Variants in MYO3B observed in about 807,000 individuals in gnomAD.
MYO3B encodes myosin-IIIb.
Under a neutral mutation model 174.6 loss-of-function variants are expected in MYO3B, and 156 were observed. The ratio of observed to expected loss-of-function variants is 0.89; its 90% CI spans 0.78 to 1.02. The LOEUF (loss-of-function observed/expected upper bound fraction) is 1.02, where lower values mean the gene tolerates loss of function less well. MYO3B is among the 50% of genes least tolerant of loss of function. The probability of loss-of-function intolerance (pLI) is 0.00; values close to 1 mark genes in which losing one functional copy is unlikely to be tolerated. For missense variants in MYO3B, 1,632 were observed against 1,639.4 expected, an observed-to-expected ratio of 1.00 and a Z score of 0.08; for synonymous variants, 563 against 569.1, an observed-to-expected ratio of 0.99 and a Z score of 0.15.
intron 32 of MYO3B, among the ~76,000 whole-genome samples, chr2:170,552,645 A>G (rs1312857925): frequency 6.6e-6 from 1 of 152,234 alleles, no homozygotes; most frequent in Non-Finnish European, 1.5e-5. Flanking sequence ...CAGCCCAATC[A>G]TGTGGTTGTA....
chr2:170,350,050 G>A (rs1396673056), intron 8 of MYO3B, among the ~76,000 whole-genome samples: 1 of 151,964 alleles, frequency 6.6e-6, no homozygotes, highest in Non-Finnish European at 1.5e-5. Flanking sequence ...TGCCCAGGCT[G>A]GATTGCAGTG....
At chr2:170,294,047 G>A (rs888309413) in intron 7 of MYO3B, among the ~76,000 whole-genome samples, 12 of 151,866 alleles carry the variant, frequency 7.9e-5, no homozygotes, top group Non-Finnish European at 1.8e-4. Flanking sequence ...CATGCATTCT[G>A]TTCAAATTTT....
intron 25 of MYO3B, among the ~76,000 whole-genome samples, chr2:170,498,332 A>G (rs918981323): frequency 2.0e-5 from 3 of 152,250 alleles, no homozygotes; most frequent in African/African-American, 7.2e-5. Flanking sequence ...TGAATGCACT[A>G]GACACCAAGT....
intron 32 of MYO3B, among the ~76,000 whole-genome samples, chr2:170,586,600 C>T (rs2106314727): frequency 6.6e-6 from 1 of 152,300 alleles, no homozygotes; most frequent in Non-Finnish European, 1.5e-5. Flanking sequence ...AACAGAGATA[C>T]ATGACCCAAA....
intron 32 of MYO3B, among the ~76,000 whole-genome samples, chr2:170,598,135 G>A (rs1271049997): frequency 6.6e-6 from 1 of 152,132 alleles, no homozygotes; most frequent in Non-Finnish European, 1.5e-5. Context: ...TTAATTTAAA[G>A]CATATGGTTT....
chr2:170,330,882 C>T (rs1002196373), intron 7 of MYO3B, among the ~76,000 whole-genome samples: 2 of 152,120 alleles, frequency 1.3e-5, no homozygotes, highest in African/African-American at 4.8e-5. Context: ...CCATATTTGT[C>T]TAATTTTATG....
At chr2:170,541,005 C>A (rs903520923) in intron 30 of MYO3B, among the ~76,000 whole-genome samples, 1 of 152,162 alleles carries the variant, frequency 6.6e-6, no homozygotes, top group Non-Finnish European at 1.5e-5. Context: ...CTGCCGCTGA[C>A]TTTTCTTAAA....
At position 170,519,509 on chromosome 2, in the gene MYO3B, A is replaced by G. The variant is rs1277174597; in HGVS notation, c.3544A>G (p.Ser1182Gly). 3.1e-6 allele frequency: 5 copies of G among 1,614,092 alleles called. No homozygotes were observed. The highest frequency in any genetic ancestry group is 4.2e-6 in the Non-Finnish European group (5 of 1,179,998). The change falls in exon 30 of 35, where the codon AGC becomes GGC. Residue 1182 changes from serine to glycine, a missense_variant. Ser to Gly is a moderately conservative substitution (Grantham distance 56, BLOSUM62 0). Coordinates refer to ENST00000408978, the MANE Select transcript of MYO3B (RefSeq NM_138995.5). The stretch of plus-strand genomic sequence containing the variant: ...CAACAATGGCCGTACACAGACTTCA[A>G]GCAACTCTCCTGCTGTCACAGAGAA... ...ESNNGRTQTS[S>G]NSPAVTEKNG...
intron 7 of MYO3B, among the ~76,000 whole-genome samples, chr2:170,290,023 T>C (rs1030121940): frequency 6.6e-6 from 1 of 152,200 alleles, no homozygotes; most frequent in Non-Finnish European, 1.5e-5. Context: ...CTCCTGTTAC[T>C]GATTTCTAGT....
chr2:170,211,425 C>T (rs1475353204), intron 3 of MYO3B, among the ~76,000 whole-genome samples: 8 of 152,214 alleles, frequency 5.3e-5, no homozygotes, highest in African/African-American at 1.9e-4. Flanking sequence ...GCTAGTATTT[C>T]TGGCTTTCAA....
chr2:170,651,990 T>C (rs1699043783), intron 33 of MYO3B, 118 bp from the exon 34 acceptor site: 2 of 1,145,764 alleles, frequency 1.7e-6, no homozygotes, highest in East Asian at 4.7e-5. Flanking sequence ...CAAAAAAAAT[T>C]ATGCTGTGAC....
intron 16 of MYO3B, among the ~76,000 whole-genome samples, chr2:170,399,267 G>A (rs60940101): frequency 0.3 from 13,188 of 44,540 alleles, 3,608 homozygotes; most frequent in Non-Finnish European, 0.43. Context: ...AAAAAAAAAA[G>A]AGAGAGACCA....
intron 32 of MYO3B, among the ~76,000 whole-genome samples, chr2:170,547,630 G>A (rs2106216574): frequency 6.6e-6 from 1 of 152,246 alleles, no homozygotes; most frequent in South Asian, 2.1e-4. Flanking sequence ...TTTATAAAAG[G>A]CCAGTTTTTG....
intron 22 of MYO3B, among the ~76,000 whole-genome samples, chr2:170,427,017 C>CAA (rs71399535): frequency 9.9e-4 from 138 of 139,332 alleles, no homozygotes; most frequent in Middle Eastern, 3.7e-3. Flanking sequence ...GACTCAGTCT[C>CAA]AAAAAAAAAA....
chr2:170,520,116 C>G (rs1688581675), intron 30 of MYO3B: 1 of 152,280 alleles, frequency 6.6e-6, no homozygotes, highest in African/African-American at 2.4e-5. Flanking sequence ...ACATCCTCCC[C>G]CTGGATATTT....
rs374151208 is a variant in MYO3B at position 170,402,839 on chromosome 2, C to G, written c.2130-9C>G. 5.8e-5 allele frequency: 92 copies of G among 1,598,422 alleles called. No homozygotes were observed. The highest frequency in any genetic ancestry group is 7.5e-5 in the Non-Finnish European group (88 of 1,169,006). On this transcript the variant is annotated splice_polypyrimidine_tract_variant and intron_variant, in intron 18 of 34. Transcript: ENST00000408978. ...CCCCTAAAGAGTTTTGTTCTTCTCT[C>G]TCATGCAGTAGTGCAGGAGGTGGAA...
At chr2:170,564,030 G>A (rs1287857646) in intron 32 of MYO3B, among the ~76,000 whole-genome samples, 1 of 152,218 alleles carries the variant, frequency 6.6e-6, no homozygotes, top group Non-Finnish European at 1.5e-5. Flanking sequence ...ATCATCTGAG[G>A]CACATGTGCC....
chr2:170,283,915 G>A (rs1264957115), intron 7 of MYO3B, among the ~76,000 whole-genome samples: 1 of 152,200 alleles, frequency 6.6e-6, no homozygotes, highest in African/African-American at 2.4e-5. Flanking sequence ...ATGCATACAT[G>A]TACATCACTG....
chr2:170,648,747 A>AAT (rs1698599392), intron 32 of MYO3B, among the ~76,000 whole-genome samples: 7 of 103,888 alleles, frequency 6.7e-5, no homozygotes, highest in Admixed American at 1.2e-4. Flanking sequence ...TATTCTATAT[A>AAT]ATGTATTATA....
Sources: gnomAD v4.1 joint callset for allele counts (sites outside exome capture counted in the v4.1 genomes callset) on GRCh38, gnomAD v4.1.1 for gene constraint, MANE v1.5 for transcripts, NCBI Gene and HGNC (gene_info 2026-07-23, HGNC 2026-07-21) for gene names.